Variants in IQCJ observed in about 807,000 individuals in gnomAD.
IQCJ encodes the protein IQ domain-containing protein J.
Under a neutral mutation model 11.0 loss-of-function variants are expected in IQCJ, and 9 were observed. The ratio of observed to expected loss-of-function variants is 0.82; its 90% CI spans 0.49 to 1.43. The LOEUF (loss-of-function observed/expected upper bound fraction) is 1.43, where lower values mean the gene tolerates loss of function less well. IQCJ is among the 40% of genes most tolerant of loss of function. The pLI is 0.00. For missense variants in IQCJ, 146 were observed against 133.2 expected (o/e 1.10, Z -0.47); for synonymous variants, 55 against 51.3 (o/e 1.07, Z -0.31).
At position 159,207,594 on chromosome 3, in the gene IQCJ, G is replaced by A. The variant is rs114915155; in HGVS notation, c.10-38249G>A. On this transcript the variant is annotated intron_variant, in intron 1 of 3. Transcript: ENST00000397832. ...TCAAAACTATTGCAGCTCTGGTGTC[G>A]TGGGGGTAAGCAGGCCTAATGGAGT... 5.8e-3 allele frequency among the ~76,000 whole-genome samples: 880 copies of A among 152,258 alleles called. 5 individuals are homozygous for A. The highest frequency in any genetic ancestry group is 9.3e-3 in the African/African-American group (385 of 41,534).
chr3:159,094,379 TC>T (rs1463812552), intron 1 of IQCJ, among the ~76,000 whole-genome samples: 3 of 150,272 alleles, frequency 2.0e-5, no homozygotes, highest in Non-Finnish European at 4.4e-5. Flanking sequence ...GTCTTCAGGA[TC>T]TTTTTTGTTT....
intron 1 of IQCJ, among the ~76,000 whole-genome samples, chr3:159,206,365 G>C (rs1724656857): frequency 6.6e-6 from 1 of 152,252 alleles, no homozygotes; most frequent in Non-Finnish European, 1.5e-5. Flanking sequence ...CTATTGCATG[G>C]CATGGTGGGA....
chr3:159,125,752 C>T (rs770751613), intron 1 of IQCJ, among the ~76,000 whole-genome samples: 4 of 152,212 alleles, frequency 2.6e-5, no homozygotes, highest in Non-Finnish European at 5.9e-5. Flanking sequence ...GATAGGACAA[C>T]ATTCCAAATT....
At chr3:159,184,949 T>C (rs1267858826) in intron 1 of IQCJ, among the ~76,000 whole-genome samples, 1 of 152,212 alleles carries the variant, frequency 6.6e-6, no homozygotes, top group Non-Finnish European at 1.5e-5. Context: ...CACTAATTTT[T>C]GTATGATAAG....
intron 1 of IQCJ, among the ~76,000 whole-genome samples, chr3:159,089,769 A>G (rs1209969526): frequency 1.3e-5 from 2 of 151,576 alleles, no homozygotes; most frequent in South Asian, 2.1e-4. Flanking sequence ...TTTCAGCTCC[A>G]TCAGCTCCTT....
intron 1 of IQCJ, among the ~76,000 whole-genome samples, chr3:159,184,753 C>A (rs1723288417): frequency 6.6e-6 from 1 of 152,062 alleles, no homozygotes; most frequent in Admixed American, 6.6e-5. Flanking sequence ...TGAAATTGAT[C>A]TGGTATATTG....
At position 159,161,812 on chromosome 3, in the gene IQCJ, C is replaced by G. The variant is rs537356694; in HGVS notation, c.10-84031C>G. ...AATCCTTTCCTCATTGCTTGTTTTT[C>G]TCAGGTTTGTCAAAGATCAGATAGC... On this transcript the variant is annotated intron_variant, in intron 1 of 3. Transcript: ENST00000397832. Among the ~76,000 whole-genome samples the G allele has an allele frequency of 3.6e-3, 543 of 152,192 alleles. 4 individuals are homozygous for G. The highest frequency in any genetic ancestry group is 0.012 in the African/African-American group (515 of 41,510).
At chr3:159,233,877 A>G (rs1726419182) in intron 1 of IQCJ, among the ~76,000 whole-genome samples, 2 of 152,204 alleles carry the variant, frequency 1.3e-5, no homozygotes, top group African/African-American at 4.8e-5. Context: ...TGCCATCATC[A>G]TCTTACACAT....
chr3:159,225,478 G>T (rs1020700618), intron 1 of IQCJ, among the ~76,000 whole-genome samples: 2 of 152,136 alleles, frequency 1.3e-5, no homozygotes, highest in Non-Finnish European at 2.9e-5. Flanking sequence ...GTTAGCCAAA[G>T]ATATGTATGT....
At chr3:159,109,046 T>C (rs546528403) in intron 1 of IQCJ, among the ~76,000 whole-genome samples, 2 of 152,310 alleles carry the variant, frequency 1.3e-5, no homozygotes, top group South Asian at 4.1e-4. Context: ...GTAGGTATAA[T>C]TGCTCTCAAT....
At chr3:159,249,800 T>C (rs970650785) in intron 2 of IQCJ, among the ~76,000 whole-genome samples, 1 of 152,196 alleles carries the variant, frequency 6.6e-6, no homozygotes, top group Non-Finnish European at 1.5e-5. Context: ...TTATTCTGAA[T>C]GCTCAACAGG....
intron 1 of IQCJ, among the ~76,000 whole-genome samples, chr3:159,227,379 T>C (rs1000032456): frequency 1.3e-5 from 2 of 152,208 alleles, no homozygotes; most frequent in African/African-American, 4.8e-5. Flanking sequence ...GAGACCTGCT[T>C]ACCTAGAGTA....
chr3:159,157,047 G>A (rs1190074215), intron 1 of IQCJ, among the ~76,000 whole-genome samples: 1 of 152,170 alleles, frequency 6.6e-6, no homozygotes. Context: ...TGTGTGGCCT[G>A]ATCTTTCCAC....
At chr3:159,243,956 A>G (rs918900876) in intron 1 of IQCJ, among the ~76,000 whole-genome samples, 4 of 152,206 alleles carry the variant, frequency 2.6e-5, no homozygotes, top group East Asian at 1.9e-4. Context: ...TTGATTGACT[A>G]TAAATGGTAA....
intron 2 of IQCJ, among the ~76,000 whole-genome samples, chr3:159,250,314 G>T (rs1443021049): frequency 6.6e-6 from 1 of 152,038 alleles, no homozygotes; most frequent in Non-Finnish European, 1.5e-5. Flanking sequence ...CATTAGGTCT[G>T]TCTTTGTTGC....
intron 1 of IQCJ, among the ~76,000 whole-genome samples, chr3:159,203,037 C>A (rs975894723): frequency 6.6e-6 from 1 of 151,796 alleles, no homozygotes; most frequent in Non-Finnish European, 1.5e-5. Context: ...TTGACCCATA[C>A]CTGATAACTG....
chr3:159,210,389 A>G (rs1724887541), intron 1 of IQCJ, among the ~76,000 whole-genome samples: 2 of 152,206 alleles, frequency 1.3e-5, no homozygotes, highest in African/African-American at 4.8e-5. Context: ...TTTGTCACTT[A>G]GCCTTTCATA....
chr3:159,158,848 T>A (rs986662645), intron 1 of IQCJ, among the ~76,000 whole-genome samples: 5 of 152,202 alleles, frequency 3.3e-5, no homozygotes, highest in African/African-American at 1.2e-4. Context: ...CCACTCCTAG[T>A]GTCCTAAAAT....
chr3:159,146,855 A>G (rs925284920), intron 1 of IQCJ, among the ~76,000 whole-genome samples: 1 of 152,252 alleles, frequency 6.6e-6, no homozygotes, highest in African/African-American at 2.4e-5. Flanking sequence ...TTCAGCCAAG[A>G]TTAAATAGTC....
Sources: gnomAD v4.1 joint callset for allele counts (sites outside exome capture counted in the v4.1 genomes callset) on GRCh38, gnomAD v4.1.1 for gene constraint, MANE v1.5 for transcripts, NCBI Gene and HGNC (gene_info 2026-07-23, HGNC 2026-07-21) for gene names.